SP100: variants seen among roughly 807,000 people sequenced by gnomAD.
SP100 encodes the protein SP100 nuclear body protein, also known as nuclear autoantigen Sp-100.
In SP100, 84 loss-of-function variants were observed where a neutral mutation model predicts 130.0. That is an observed-to-expected ratio of 0.65 (90% confidence interval 0.54 to 0.77). SP100 has a LOEUF of 0.77. SP100 is among the 30% of genes least tolerant of loss of function. SP100 has a pLI of 0.00. For missense variants in SP100, 978 were observed against 1,052.2 expected (o/e 0.93, Z 0.97); for synonymous variants, 331 against 351.7 (o/e 0.94, Z 0.66).
At chr2:230,472,740 A>G (rs2065337279) in intron 15 of SP100, among the ~76,000 whole-genome samples, 1 of 152,192 alleles carries the variant, frequency 6.6e-6, no homozygotes. Context: ...TGACCATGAG[A>G]TAAAAGCAAC....
Position 230,508,010 on chromosome 2 carries a change from AC to A in SP100, c.2033del (p.Pro678HisfsTer17). On this transcript the variant is annotated frameshift_variant, in exon 23 of 29. Coordinates refer to ENST00000340126, the MANE Select transcript of SP100 (RefSeq NM_001080391.2). LOFTEE classifies it high-confidence loss of function. ...TTTTTTAGAACAAATTTCTGCCAGA[AC>A]CACCAAGCACAAGAAAAAAGGTGAT... ...VLMENKFLPE[P>X]PSTRKKRILE... 1 of 1,613,386 alleles carries A rather than the reference AC, an allele frequency of 6.2e-7. No homozygotes were observed.
chr2:230,420,476 G>A lies in SP100; in HGVS notation c.107+2811G>A, dbSNP rs2062736441. ...AAATGAACATTTTAGTTTTATTCCT[G>A]ATTTCAAGGGGAATACTTATAATGT... On this transcript the variant is annotated intron_variant, in intron 2 of 28. Transcript: ENST00000340126. 2.0e-5 allele frequency among the ~76,000 whole-genome samples: 3 copies of A among 152,010 alleles called. No individual in the cohort carries two copies. The South Asian group carries it at 6.2e-4, about 32-fold the overall frequency.
intron 2 of SP100, among the ~76,000 whole-genome samples, chr2:230,418,738 G>C (rs941213015): frequency 4.6e-5 from 7 of 151,762 alleles, no homozygotes; most frequent in African/African-American, 1.7e-4. Context: ...CTGCTGATTC[G>C]CAGTGCTACC....
chr2:230,497,817 A>G (rs1160390021), intron 18 of SP100, among the ~76,000 whole-genome samples: 2 of 152,128 alleles, frequency 1.3e-5, no homozygotes, highest in Non-Finnish European at 2.9e-5. Context: ...TCTCTTGGTT[A>G]GTTTCTTAGA....
At chr2:230,504,077 T>C (rs1278022260) in intron 20 of SP100, 109 bp from the exon 21 acceptor site, 2 of 599,852 alleles carry the variant, frequency 3.3e-6, no homozygotes, top group East Asian at 2.8e-5. Context: ...ATGGGGGAAA[T>C]ACCTCCAATA....
At chr2:230,416,586 C>T (rs145836577) in intron 1 of SP100, among the ~76,000 whole-genome samples, 6 of 152,206 alleles carry the variant, frequency 3.9e-5, no homozygotes, top group South Asian at 2.1e-4. Flanking sequence ...CTCAGCTGAC[C>T]GGGACACTCT....
chr2:230,438,379 A>G (rs1199982595), intron 2 of SP100, among the ~76,000 whole-genome samples: 1 of 152,066 alleles, frequency 6.6e-6, no homozygotes, highest in Admixed American at 6.6e-5. Context: ...CTGTCACCCA[A>G]GCAGTGTACA....
intron 9 of SP100, among the ~76,000 whole-genome samples, chr2:230,461,769 C>T (rs768907488): frequency 1.2e-4 from 18 of 151,658 alleles, no homozygotes; most frequent in East Asian, 1.9e-4. Context: ...GGCAACATGG[C>T]GAAACCCCAT....
chr2:230,501,691 C>T (rs562480469), intron 19 of SP100, among the ~76,000 whole-genome samples: 87 of 152,180 alleles, frequency 5.7e-4, no homozygotes, highest in African/African-American at 1.8e-3. Context: ...GGACCCAAAT[C>T]CACACCCTAT....
chr2:230,534,691 T>C (rs1457230258), intron 24 of SP100, among the ~76,000 whole-genome samples: 2 of 152,220 alleles, frequency 1.3e-5, no homozygotes, highest in Non-Finnish European at 1.5e-5. Context: ...TTGGGTTATA[T>C]TTATATAGAT....
chr2:230,502,437 T>G (rs1020867584), intron 19 of SP100, among the ~76,000 whole-genome samples: 1 of 152,212 alleles, frequency 6.6e-6, no homozygotes, highest in Non-Finnish European at 1.5e-5. Context: ...AAGAAAATTG[T>G]CAACACTTTA....
At chr2:230,436,897 TAC>T (rs201183471) in intron 2 of SP100, among the ~76,000 whole-genome samples, 8 of 82,170 alleles carry the variant, frequency 9.7e-5, no homozygotes, top group African/African-American at 2.9e-4. Flanking sequence ...TATATGTGTA[TAC>T]ACACACGCAT....
At chr2:230,520,889 C>G (rs1443573371) in intron 24 of SP100, among the ~76,000 whole-genome samples, 1 of 152,206 alleles carries the variant, frequency 6.6e-6, no homozygotes, top group Non-Finnish European at 1.5e-5. Context: ...TCATTGGATA[C>G]AGATTGCAAC....
At chr2:230,525,738 GAT>G (rs1691390650) in intron 24 of SP100, among the ~76,000 whole-genome samples, 1 of 152,226 alleles carries the variant, frequency 6.6e-6, no homozygotes, top group Non-Finnish European at 1.5e-5. Context: ...CAGACCAGGA[GAT>G]ACCCTCCCAT....
At chr2:230,481,023 A>G (rs2065807110) in intron 17 of SP100, among the ~76,000 whole-genome samples, 1 of 102,456 alleles carries the variant, frequency 9.8e-6, no homozygotes, top group South Asian at 4.9e-4. Context: ...TAGTGGTAGT[A>G]TTGGTGGTGG....
intron 13 of SP100, 50 bp from the exon 14 acceptor site, chr2:230,468,993 A>T (rs1412794653): frequency 1.7e-6 from 2 of 1,146,866 alleles, no homozygotes; most frequent in Non-Finnish European, 2.6e-6. Context: ...CATAAGATTT[A>T]TAGATCTTTT....
chr2:230,524,196 A>AG (rs1371919233), intron 24 of SP100, among the ~76,000 whole-genome samples: 2,896 of 110,322 alleles, frequency 0.026, 112 homozygotes, highest in African/African-American at 0.074. Context: ...AAAAAAAAAA[A>AG]AAAAAGAAAA....
At chr2:230,499,334 C>T (rs1428610807) in intron 19 of SP100, among the ~76,000 whole-genome samples, 2 of 149,694 alleles carry the variant, frequency 1.3e-5, no homozygotes, top group Non-Finnish European at 3.0e-5. Flanking sequence ...AAGGAGGAGG[C>T]AAGCAGAGAA....
intron 2 of SP100, among the ~76,000 whole-genome samples, chr2:230,421,486 G>A (rs2062767105): frequency 7.6e-6 from 1 of 131,194 alleles, no homozygotes; most frequent in Non-Finnish European, 1.6e-5. Flanking sequence ...TCCTGACTAA[G>A]AGTTTATAGA....
Sources: allele counts gnomAD v4.1 joint callset (sites outside exome capture counted in the v4.1 genomes callset), GRCh38; gene constraint gnomAD v4.1.1; transcripts MANE v1.5; gene names NCBI Gene and HGNC (gene_info 2026-07-23, HGNC 2026-07-21).